GABRG3: variants seen among roughly 807,000 people sequenced by gnomAD.
GABRG3 encodes gamma-aminobutyric acid type A receptor subunit gamma3.
Under a neutral mutation model 48.8 loss-of-function variants are expected in GABRG3, and 25 were observed. The ratio of observed to expected loss-of-function variants is 0.51; its 90% CI spans 0.37 to 0.72. The LOEUF is 0.72. Among genes scored for constraint, GABRG3 ranks in the 30% least tolerant of loss-of-function variants. GABRG3 has a pLI of 0.00. For synonymous variants in GABRG3, 227 were observed against 217.6 expected (o/e 1.04, Z -0.38); for missense variants, 394 against 577.9 (o/e 0.68, Z 3.26).
chr15:27,236,922 C>T lies in GABRG3; in HGVS notation c.271-89887C>T, dbSNP rs1317927306. Among the ~76,000 whole-genome samples the T allele has an allele frequency of 6.6e-6, 1 of 152,196 alleles. No individual in the cohort carries two copies. Among genetic ancestry groups the T allele is most frequent in the Non-Finnish European group, 1.5e-5 (1 of 68,028 alleles). ...AGCAGACATTCCTGCTCCCTTTACC[C>T]CTCCCTTGGAGGACTTGCTCTGGGC... On this transcript the variant is annotated intron_variant, in intron 3 of 9. Transcript: ENST00000615808. This position sits in a 1 kb window ranked among gnomAD's most constrained non-coding sequence, Gnocchi z 4.4.
chr15:27,202,060 T>C (rs1888700986), intron 3 of GABRG3, among the ~76,000 whole-genome samples: 2 of 152,212 alleles, frequency 1.3e-5, no homozygotes, highest in Admixed American at 6.5e-5. Context: ...TGCTATCACC[T>C]TTTTACTTCC....
chr15:27,336,237 G>GAGAGA (rs1566792015), intron 5 of GABRG3, among the ~76,000 whole-genome samples: 2 of 143,322 alleles, frequency 1.4e-5, no homozygotes, highest in African/African-American at 5.6e-5. Flanking sequence ...AGAGAGAGGA[G>GAGAGA]AAGAAAAGAA....
chr15:27,351,231 GTGTT>G (rs942424162), intron 5 of GABRG3, among the ~76,000 whole-genome samples: 31 of 148,950 alleles, frequency 2.1e-4, no homozygotes, highest in South Asian at 1.1e-3. Context: ...TATGGTGTGT[GTGTT>G]TGTGTGTATG....
intron 2 of GABRG3, among the ~76,000 whole-genome samples, chr15:26,986,552 G>C (rs1895155215): frequency 6.6e-6 from 1 of 152,168 alleles, no homozygotes. Context: ...CACCCCTATC[G>C]AGGTAAAGCT....
chr15:27,536,042 C>G lies in GABRG3; in HGVS notation c.*3161C>G, dbSNP rs1891539596. ...ATTCCAAAGGTGCTACTGTGTTCCTCACTTTCAGAAATACTCTAAGTTGAG... is the reference window on the plus strand; with the variant it reads ...ATTCCAAAGGTGCTACTGTGTTCCTGACTTTCAGAAATACTCTAAGTTGAG... On this transcript the variant is annotated 3_prime_UTR_variant, in exon 10 of 10. Coordinates refer to ENST00000615808, the MANE Select transcript of GABRG3 (RefSeq NM_033223.5). The G allele has an allele frequency of 6.6e-6, 1 of 152,222 alleles. No individual in the cohort carries two copies. The highest frequency in any genetic ancestry group is 1.5e-5 in the Non-Finnish European group (1 of 68,048). 9.4% of individuals were successfully genotyped at this position (152,222 alleles called of 1,614,324 possible).
chr15:26,974,370 A>G lies in GABRG3; in HGVS notation c.54-2632A>G, dbSNP rs1041828104. Among the ~76,000 whole-genome samples the G allele has an allele frequency of 7.9e-5, 12 of 152,160 alleles. No homozygotes were observed. Among genetic ancestry groups the G allele is most frequent in the African/African-American group, 2.9e-4 (12 of 41,440 alleles). The stretch of plus-strand genomic sequence containing the variant: ...CTGTAAGTAGCTGGAAGTAATTTTT[A>G]AAAACTAAGGCTGCGTATATAGAGA... On this transcript the variant is annotated intron_variant, in intron 1 of 9. Transcript: ENST00000615808. The surrounding 1 kb of genome is among the most constrained non-coding windows in gnomAD (Gnocchi z 4.3).
chr15:27,209,659 G>A (rs1207311973), intron 3 of GABRG3, among the ~76,000 whole-genome samples: 1 of 152,198 alleles, frequency 6.6e-6, no homozygotes, highest in African/African-American at 2.4e-5. Flanking sequence ...CTTATACAGG[G>A]CAGCTGTCTC....
chr15:27,103,497 C>T (rs946194706), intron 3 of GABRG3, among the ~76,000 whole-genome samples: 1 of 152,170 alleles, frequency 6.6e-6, no homozygotes, highest in Non-Finnish European at 1.5e-5. Context: ...AGGGTTGCCC[C>T]TGCAGCTGCA....
chr15:27,520,852 A>T (rs1055178871), intron 7 of GABRG3, among the ~76,000 whole-genome samples: 1 of 144,648 alleles, frequency 6.9e-6, no homozygotes, highest in African/African-American at 2.6e-5. Context: ...TTTCTGCAAC[A>T]TCTCTCATAT....
intron 5 of GABRG3, among the ~76,000 whole-genome samples, chr15:27,400,907 C>T (rs1183124511): frequency 2.0e-5 from 3 of 152,162 alleles, no homozygotes; most frequent in South Asian, 2.1e-4. Flanking sequence ...GAATCCACGA[C>T]GGGAGACAAA....
At position 26,976,121 on chromosome 15, in the gene GABRG3, CAAA is replaced by C. The variant is rs57826540; in HGVS notation, c.54-870_54-868del. 7.1e-6 allele frequency among the ~76,000 whole-genome samples: 1 copy of C among 141,006 alleles called. No homozygotes were observed. Among genetic ancestry groups the C allele is most frequent in the Admixed American group, 7.1e-5 (1 of 14,114 alleles). The allele number at this position is 141,006 out of a possible 152,430, so 92.5% of individuals were successfully genotyped here. A position where few individuals can be genotyped will look rare whatever the true frequency, so the allele number is the denominator to read the frequency against. ...TTTAAAAAACCCAAAACTGCAGAAC[CAAA>C]AAAAAAAAAAGGGAAAACTAGCCGG... On this transcript the variant is annotated intron_variant, in intron 1 of 9. Coordinates refer to ENST00000615808, the MANE Select transcript of GABRG3 (RefSeq NM_033223.5). The surrounding 1 kb of genome is among the most constrained non-coding windows in gnomAD (Gnocchi z 7.8).
chr15:27,423,498 G>C (rs1888193782), intron 5 of GABRG3, among the ~76,000 whole-genome samples: 1 of 150,946 alleles, frequency 6.6e-6, no homozygotes, highest in Non-Finnish European at 1.5e-5. Flanking sequence ...TGATCTGTGA[G>C]AATTTGAGCA....
At chr15:27,083,418 C>A (rs1399145575) in intron 3 of GABRG3, among the ~76,000 whole-genome samples, 1 of 150,562 alleles carries the variant, frequency 6.6e-6, no homozygotes, top group African/African-American at 2.5e-5. Flanking sequence ...CTGCAACCTC[C>A]GCCACCCGGA....
intron 3 of GABRG3, among the ~76,000 whole-genome samples, chr15:27,092,504 C>G (rs577865760): frequency 6.6e-6 from 1 of 152,166 alleles, no homozygotes; most frequent in African/African-American, 2.4e-5. Flanking sequence ...TGTAAGGACC[C>G]GCAGCACTCA....
intron 3 of GABRG3, among the ~76,000 whole-genome samples, chr15:27,301,595 T>C (rs796660752): frequency 5.9e-5 from 9 of 152,226 alleles, no homozygotes; most frequent in African/African-American, 1.9e-4. Context: ...CTTTATAACT[T>C]AATGTTACAT....
intron 5 of GABRG3, among the ~76,000 whole-genome samples, chr15:27,409,756 G>GA (rs1410226981): frequency 1.3e-5 from 2 of 152,092 alleles, no homozygotes; most frequent in Non-Finnish European, 2.9e-5. Context: ...AAAATATGTA[G>GA]AAAAAATGAC....
chr15:27,532,710 C>G lies in GABRG3; in HGVS notation c.1233C>G (p.Gly411=), dbSNP rs35534092. The G allele has an allele frequency of 6.4e-3, 10,380 of 1,613,948 alleles. 577 individuals are homozygous for G. In the African/African-American group the frequency reaches 0.12, roughly 19 times the overall value. Residue 411 remains glycine (G), a synonymous_variant, in exon 10 of 10, where the codon GGC becomes GGG. Transcript: ENST00000615808. Reference sequence around the variant, plus strand: ...CCTGTGTCTATGAGTGTCTGGATGGCAAAGACTGTCAGAGCTTCTTCTGCT... The same window carrying G: ...CCTGTGTCTATGAGTGTCTGGATGGGAAAGACTGTCAGAGCTTCTTCTGCT... ...EDTCVYECLD[G]KDCQSFFCCY...
At chr15:27,384,049 A>G (rs927264891) in intron 5 of GABRG3, among the ~76,000 whole-genome samples, 1 of 152,168 alleles carries the variant, frequency 6.6e-6, no homozygotes, top group Admixed American at 6.5e-5. Context: ...TTCTTCTGCT[A>G]TTTTTCGGTT....
intron 3 of GABRG3, among the ~76,000 whole-genome samples, chr15:27,159,671 A>C (rs1898528645): frequency 6.6e-6 from 1 of 151,768 alleles, no homozygotes; most frequent in South Asian, 2.1e-4. Context: ...CACTCTACCC[A>C]TTTTCCCCTT....
Sources: allele counts gnomAD v4.1 joint callset (sites outside exome capture counted in the v4.1 genomes callset), GRCh38; gene constraint gnomAD v4.1.1; non-coding constraint Gnocchi (gnomAD v3.1); transcripts MANE v1.5; gene names NCBI Gene and HGNC (gene_info 2026-07-23, HGNC 2026-07-21).